FNDC3A: variants seen among roughly 807,000 people sequenced by gnomAD.
FNDC3A encodes the protein fibronectin type III domain containing 3A.
In FNDC3A, 32 loss-of-function variants were observed where a neutral mutation model predicts 148.9. That is an observed-to-expected ratio of 0.21 (90% confidence interval 0.16 to 0.29). The LOEUF (loss-of-function observed/expected upper bound fraction) is 0.29, where lower values mean the gene tolerates loss of function less well. FNDC3A is among the 10% of genes least tolerant of loss of function. The probability of loss-of-function intolerance (pLI) is 1.00; values close to 1 mark genes in which losing one functional copy is unlikely to be tolerated. For synonymous variants in FNDC3A, 472 were observed against 473.6 expected (o/e 1.00, Z 0.04); for missense variants, 1,191 against 1,452.8 (o/e 0.82, Z 2.93).
chr13:49,120,126 A>T (rs1881237474), intron 4 of FNDC3A, among the ~76,000 whole-genome samples: 1 of 152,244 alleles, frequency 6.6e-6, no homozygotes, highest in South Asian at 2.1e-4. Flanking sequence ...AGCCCGTCAG[A>T]CTAATAGCAA....
chr13:49,069,035 C>CACGT (rs1877466510), intron 2 of FNDC3A, among the ~76,000 whole-genome samples: 2 of 152,120 alleles, frequency 1.3e-5, no homozygotes, highest in African/African-American at 4.8e-5. Context: ...AACAAACCTA[C>CACGT]ACGTGTACCG....
At chr13:49,040,152 C>A (rs1397329004) in intron 2 of FNDC3A, among the ~76,000 whole-genome samples, 1 of 152,124 alleles carries the variant, frequency 6.6e-6, no homozygotes, top group East Asian at 1.9e-4. Flanking sequence ...TTGGTAGTAG[C>A]CGCCTTACCA....
intron 1 of FNDC3A, among the ~76,000 whole-genome samples, chr13:48,995,643 T>C (rs931249875): frequency 6.6e-6 from 1 of 152,202 alleles, no homozygotes; most frequent in African/African-American, 2.4e-5. Context: ...CATTAACATA[T>C]GGACATTTAA....
chr13:49,000,736 T>C (rs1027202938), intron 1 of FNDC3A, among the ~76,000 whole-genome samples: 1 of 152,226 alleles, frequency 6.6e-6, no homozygotes, highest in African/African-American at 2.4e-5. Context: ...ATTTGTGTTT[T>C]TAATTTCTTT....
intron 19 of FNDC3A, among the ~76,000 whole-genome samples, chr13:49,196,172 G>A (rs191040474): frequency 6.6e-6 from 1 of 151,552 alleles, no homozygotes; most frequent in South Asian, 2.1e-4. Context: ...GTAACAAGTA[G>A]GTTTACTTCT....
chr13:49,036,216 G>A (rs1032128589), intron 2 of FNDC3A, among the ~76,000 whole-genome samples: 15 of 152,142 alleles, frequency 9.9e-5, no homozygotes, highest in African/African-American at 3.6e-4. Flanking sequence ...AATCCAGAAA[G>A]TAGTTGAAAA....
intron 8 of FNDC3A, among the ~76,000 whole-genome samples, chr13:49,150,614 T>G (rs1883234200): frequency 6.6e-6 from 1 of 152,166 alleles, no homozygotes; most frequent in Admixed American, 6.5e-5. Context: ...TTTATTCTAT[T>G]AAGTTATTAG....
rs1185306525 is a variant in FNDC3A, at chr13:49,082,183, C to G, written c.175+6819C>G. 7.2e-5 allele frequency among the ~76,000 whole-genome samples: 11 copies of G among 151,892 alleles called. No individual in the cohort carries two copies. In the South Asian group the frequency reaches 1.9e-3, roughly 26 times the overall value. ...GGCGGATCACCTGTGGTCAGGAGTT[C>G]GAGACCAGTTGGACCAACATGATGA... On this transcript the variant is annotated intron_variant, in intron 3 of 25. Coordinates refer to ENST00000492622, the MANE Select transcript of FNDC3A (RefSeq NM_001079673.2).
At chr13:49,169,745 T>G (rs537752310) in intron 10 of FNDC3A, among the ~76,000 whole-genome samples, 1 of 152,336 alleles carries the variant, frequency 6.6e-6, no homozygotes, top group Admixed American at 6.5e-5. Context: ...AATGTGGGGC[T>G]TACTACTTGT....
chr13:49,139,561 T>G (rs1882574306), intron 7 of FNDC3A, among the ~76,000 whole-genome samples: 1 of 152,222 alleles, frequency 6.6e-6, no homozygotes. Context: ...TTTAGGATGT[T>G]TGAGTAAGCC....
intron 2 of FNDC3A, among the ~76,000 whole-genome samples, chr13:49,072,582 G>T (rs987344165): frequency 6.6e-5 from 10 of 151,896 alleles, no homozygotes; most frequent in African/African-American, 2.2e-4. Context: ...TATAAATTAG[G>T]TTGCCTTCTT....
At chr13:49,136,815 A>G (rs1394806865) in intron 6 of FNDC3A, among the ~76,000 whole-genome samples, 1 of 152,144 alleles carries the variant, frequency 6.6e-6, no homozygotes, top group Non-Finnish European at 1.5e-5. Context: ...AAACTCAGAG[A>G]ACATTAATCC....
chr13:49,151,965 A>G (rs1442312354), intron 8 of FNDC3A, among the ~76,000 whole-genome samples: 1 of 152,110 alleles, frequency 6.6e-6, no homozygotes, highest in Non-Finnish European at 1.5e-5. Context: ...CATTTTCTTA[A>G]TCCAGTCTAT....
At chr13:49,160,534 G>A (rs1189709460) in intron 8 of FNDC3A, among the ~76,000 whole-genome samples, 6 of 151,880 alleles carry the variant, frequency 4.0e-5, no homozygotes, top group South Asian at 4.2e-4. Flanking sequence ...TCTTGCTAGC[G>A]GTCTATCAAT....
intron 8 of FNDC3A, among the ~76,000 whole-genome samples, chr13:49,165,609 G>C (rs1158241048): frequency 6.6e-6 from 1 of 152,156 alleles, no homozygotes; most frequent in African/African-American, 2.4e-5. Context: ...TTGTACATGA[G>C]TACCAGTGTT....
At chr13:49,050,165 T>G (rs951475695) in intron 2 of FNDC3A, among the ~76,000 whole-genome samples, 6 of 152,232 alleles carry the variant, frequency 3.9e-5, no homozygotes, top group African/African-American at 1.4e-4. Context: ...GTTCGTTATT[T>G]CTTTTCTTCT....
intron 8 of FNDC3A, among the ~76,000 whole-genome samples, chr13:49,166,940 A>G (rs1884495966): frequency 6.6e-6 from 1 of 152,160 alleles, no homozygotes; most frequent in Non-Finnish European, 1.5e-5. Flanking sequence ...TAAATAATTG[A>G]TAATAGTTTT....
At chr13:49,189,658 C>G (rs1885781380) in intron 17 of FNDC3A, among the ~76,000 whole-genome samples, 1 of 152,018 alleles carries the variant, frequency 6.6e-6, no homozygotes, top group Non-Finnish European at 1.5e-5. Context: ...GAGTCCTGCC[C>G]AACTGGCTTG....
chr13:49,081,587 T>G (rs555102708), intron 3 of FNDC3A, among the ~76,000 whole-genome samples: 1 of 152,322 alleles, frequency 6.6e-6, no homozygotes, highest in Non-Finnish European at 1.5e-5. Flanking sequence ...GAGAAGATTA[T>G]TATTAGGCCG....
Sources: gnomAD v4.1 joint callset for allele counts (sites outside exome capture counted in the v4.1 genomes callset) on GRCh38, gnomAD v4.1.1 for gene constraint, MANE v1.5 for transcripts, NCBI Gene and HGNC (gene_info 2026-07-23, HGNC 2026-07-21) for gene names.